TMEM106C: variants seen among roughly 807,000 people sequenced by gnomAD.
TMEM106C encodes transmembrane protein 106C.
A neutral mutation model predicts 30.8 loss-of-function variants in TMEM106C; 27 were observed. That is an observed-to-expected ratio of 0.88 (90% CI 0.65 to 1.21). TMEM106C has a LOEUF of 1.21. TMEM106C is among the 50% of genes most tolerant of loss of function. The pLI is 0.00. For missense variants in TMEM106C, 288 were observed against 307.8 expected (o/e 0.94, Z 0.48); for synonymous variants, 123 against 118.8 (o/e 1.04, Z -0.23).
intron 2 of TMEM106C, chr12:47,964,859 G>A: frequency 3.7e-6 from 1 of 271,474 alleles, no homozygotes; most frequent in Non-Finnish European, 7.0e-6. Flanking sequence ...CTTGGTACAG[G>A]ATCATCTATT....
At chr12:47,966,364 G>A in intron 5 of TMEM106C, 135 bp downstream of exon 5, 1 of 982,460 alleles carries the variant, frequency 1.0e-6, no homozygotes, top group Admixed American at 2.8e-5. Context: ...AGGAAGACCT[G>A]TTGGGCCCTG....
At chr12:47,966,835 T>C in intron 6 of TMEM106C, 103 bp downstream of exon 6, 1 of 1,268,888 alleles carries the variant, frequency 7.9e-7, no homozygotes, top group South Asian at 1.2e-5. Context: ...TCTCAGCTTT[T>C]GACTTATAGG....
In TMEM106C at chr12:47,964,282, C is replaced by T. The variant is rs751177758; in HGVS notation, c.46C>T (p.Arg16Ter). ...TGCTGCTCGCCCCTCCTCCTGCAGG[C>T]GAAAGCAAGAAGATGACAGGGACGG... ...SAAARPSSCR[R>*]KQEDDRDGLL... Residue 16 changes from arginine (R) to a stop codon, truncating the protein, a stop_gained, in exon 2 of 8, where the codon CGA (arginine) becomes TGA (stop). Coordinates refer to ENST00000429772, the MANE Select transcript of TMEM106C (RefSeq NM_001143842.2). LOFTEE classifies it high-confidence loss of function. 7.4e-6 allele frequency: 12 copies of T among 1,613,914 alleles called. No individual in the cohort carries two copies. The highest frequency in any genetic ancestry group is 3.3e-5 in the South Asian group (3 of 91,006).
At chr12:47,967,124 A>G in intron 6 of TMEM106C, 84 bp from the exon 7 acceptor site, 1 of 1,451,584 alleles carries the variant, frequency 6.9e-7, no homozygotes, top group East Asian at 2.3e-5. Flanking sequence ...GGGGCACCCC[A>G]AACAGGACAG....
Position 47,966,190 on chromosome 12 carries a change from T to C in TMEM106C, c.513T>C (p.Thr171=). ...ACACAGTGGTCAGTACATATGTGAC[T>C]ACTAACGTCTCCCTTATTCCACCTC... ...YMNTVVSTYV[T]TNVSLIPPRS... Residue 171 remains threonine (T), a synonymous_variant, in exon 5 of 8, where the codon ACT becomes ACC. Transcript: ENST00000429772. The C allele has an allele frequency of 1.2e-6, 2 of 1,614,172 alleles. No homozygotes were observed. Among genetic ancestry groups the C allele is most frequent in the Middle Eastern group, 1.6e-4 (1 of 6,062 alleles).
intron 7 of TMEM106C, 67 bp from the exon 8 acceptor site, chr12:47,968,066 G>A: frequency 2.2e-6 from 3 of 1,370,592 alleles, no homozygotes; most frequent in South Asian, 2.4e-5. Flanking sequence ...AAAATTTCCT[G>A]GGACATTTTT....
Position 47,968,217 on chromosome 12 carries a change from C to T in TMEM106C, c.741C>T (p.Ser247=), listed in dbSNP as rs368492677. ...ACTATGTGGATTGTGGAGGAAATTC[C>T]ACAGCTATTTAACAACTGCTATTGG... is the stretch of plus-strand genomic sequence containing the variant. ...THHYVDCGGN[S]TAI is the part of the protein sequence containing the mutation. The change falls in exon 8 of 8, where the codon TCC becomes TCT. Residue 247 remains serine, a synonymous_variant. Transcript: ENST00000429772. 6.2e-7 allele frequency: 1 copy of T among 1,612,966 alleles called. No individual in the cohort carries two copies. The highest frequency in any genetic ancestry group is 1.3e-5 in the African/African-American group (1 of 74,892).
In TMEM106C at chr12:47,965,364, A is replaced by C. The variant is rs1437295376; in HGVS notation, c.251+19A>C. On this transcript the variant is annotated intron_variant, in intron 3 of 7. Coordinates refer to ENST00000429772, the MANE Select transcript of TMEM106C (RefSeq NM_001143842.2). Reference sequence around the variant, plus strand: ...AGCGAACGTGAGTTACCTGCTTCTCACCTGTTAATACCTACTTCTGTCCCT... The same window carrying C: ...AGCGAACGTGAGTTACCTGCTTCTCCCCTGTTAATACCTACTTCTGTCCCT... 4.4e-6 allele frequency: 7 copies of C among 1,604,882 alleles called. No individual in the cohort carries two copies. The African/African-American group carries it at 9.4e-5, about 21-fold the overall frequency.
At chr12:47,965,729 G>T in intron 3 of TMEM106C, 109 bp from the exon 4 acceptor site, 1 of 1,389,884 alleles carries the variant, frequency 7.2e-7, no homozygotes, top group Non-Finnish European at 9.9e-7. Flanking sequence ...CCTGGCTCTT[G>T]GAACTTCCCT....
chr12:47,966,598 C>T, intron 5 of TMEM106C, 85 bp from the exon 6 acceptor site: 2 of 1,452,590 alleles, frequency 1.4e-6, no homozygotes, highest in Middle Eastern at 1.7e-4. Flanking sequence ...GGAAGAATGA[C>T]CCAAGGTCTT....
chr12:47,964,339 A>G lies in TMEM106C; in HGVS notation c.103A>G (p.Ile35Val). The change falls in exon 2 of 8, where the codon ATT becomes GTT. Residue 35 changes from isoleucine to valine, a missense_variant. Ile to Val is a conservative substitution (Grantham distance 29). Coordinates refer to ENST00000429772, the MANE Select transcript of TMEM106C (RefSeq NM_001143842.2). ...LLAEREQEEA[I>V]AQFPYVEFTG... Reference sequence around the variant, plus strand: ...GGCTGAACGAGAGCAGGAAGAAGCCATTGCTCAGTTCCCATATGTGGAATT... The same window carrying G: ...GGCTGAACGAGAGCAGGAAGAAGCCGTTGCTCAGTTCCCATATGTGGAATT... The G allele has an allele frequency of 6.2e-7, 1 of 1,614,164 alleles. No homozygotes were observed. The highest frequency in any genetic ancestry group is 8.5e-7 in the Non-Finnish European group (1 of 1,180,030).
rs763955605 is a variant in TMEM106C at position 47,966,216 on chromosome 12, G to A, written c.539G>A (p.Arg180Gln). 4.3e-5 allele frequency: 69 copies of A among 1,613,858 alleles called. No homozygotes were observed. Among genetic ancestry groups the A allele is most frequent in the Non-Finnish European group, 3.5e-5 (41 of 1,180,030 alleles). Residue 180 changes from arginine to glutamine, a missense_variant, in exon 5 of 8, where the codon CGG becomes CAG. Coordinates refer to ENST00000429772, the MANE Select transcript of TMEM106C (RefSeq NM_001143842.2). ...VTTNVSLIPP[R>Q]SEQLVNFTGK... ...ACTAACGTCTCCCTTATTCCACCTC[G>A]GAGTGAGCAACTGGTATGCTGTTCT...
In TMEM106C at chr12:47,966,089, G is replaced by A. The variant is rs1205448486; in HGVS notation, c.412G>A (p.Ala138Thr). ...QDSLVILTIM[A>T]TLKIRNSNFY... Reference sequence around the variant, plus strand: ...TGTTTCCTGACTTGCCCTGATGTAGGCCACCCTGAAAATCAGGAACTCCAA... The same window carrying A: ...TGTTTCCTGACTTGCCCTGATGTAGACCACCCTGAAAATCAGGAACTCCAA... Residue 138 changes from alanine (A) to threonine (T), a missense_variant and splice_region_variant, in exon 5 of 8, where the codon GCC (alanine) becomes ACC (threonine). By Grantham distance (58) the Ala-to-Thr change is moderately conservative. Transcript: ENST00000429772. The A allele has an allele frequency of 1.2e-6, 2 of 1,614,094 alleles. No individual in the cohort carries two copies. The highest frequency in any genetic ancestry group is 2.7e-5 in the African/African-American group (2 of 74,918).
At chr12:47,967,160 G>T (rs764829215) in intron 6 of TMEM106C, 48 bp from the exon 7 acceptor site, 57 of 1,535,678 alleles carry the variant, frequency 3.7e-5, no homozygotes, top group Non-Finnish European at 4.7e-5. Flanking sequence ...TTCTACTGAG[G>T]CTTTAAAAAA....
chr12:47,967,424 C>T (rs998074070), intron 7 of TMEM106C, among the ~76,000 whole-genome samples, 163 bp downstream of exon 7: 1 of 152,230 alleles, frequency 6.6e-6, no homozygotes, highest in African/African-American at 2.4e-5. Flanking sequence ...TCTCTAAACA[C>T]AGTGTCCACA....
At position 47,965,899 on chromosome 12, in the gene TMEM106C, T is replaced by G. The variant is rs1234249051; in HGVS notation, c.313T>G (p.Phe105Val). 6.2e-7 allele frequency: 1 copy of G among 1,614,246 alleles called. No homozygotes were observed. Among genetic ancestry groups the G allele is most frequent in the East Asian group, 2.2e-5 (1 of 44,888 alleles). ...CCTGGCATCTGGTTTGGTGGTTTTC[T>G]TCCTGTTTCCGCATTCAGTCCTTGT... ...CLLASGLVVF[F>V]LFPHSVLVDD... Residue 105 changes from phenylalanine (F) to valine (V), a missense_variant, in exon 4 of 8, where the codon TTC (phenylalanine) becomes GTC (valine). Transcript: ENST00000429772.
At chr12:47,965,231 A>G (rs767280275) in intron 2 of TMEM106C, 51 bp from the exon 3 acceptor site, 1 of 1,480,694 alleles carries the variant, frequency 6.8e-7, no homozygotes, top group Admixed American at 1.7e-5. Context: ...ACGTGAAGGA[A>G]GTACTGCCAA....
chr12:47,965,790 C>A, intron 3 of TMEM106C, 48 bp from the exon 4 acceptor site: 1 of 1,605,800 alleles, frequency 6.2e-7, no homozygotes, highest in Non-Finnish European at 8.5e-7. Flanking sequence ...ACACATTGAA[C>A]CTTGATATCT....
chr12:47,965,447 A>C, intron 3 of TMEM106C, 102 bp downstream of exon 3: 1 of 1,100,508 alleles, frequency 9.1e-7, no homozygotes, highest in Non-Finnish European at 1.4e-6. Context: ...ACATGTTCTT[A>C]TAAGTTCCCC....
Sources: allele counts gnomAD v4.1 joint callset (sites outside exome capture counted in the v4.1 genomes callset), GRCh38; gene constraint gnomAD v4.1.1; transcripts MANE v1.5; gene names NCBI Gene and HGNC (gene_info 2026-07-23, HGNC 2026-07-21).